Variants in CRPPA observed in about 807,000 individuals in gnomAD.
CRPPA encodes CDP-L-ribitol pyrophosphorylase A, also known as D-ribitol-5-phosphate cytidylyltransferase.
CRPPA carries 43 observed loss-of-function variants against 52.0 expected under a neutral mutation model. That is an observed-to-expected ratio of 0.83 (90% confidence interval 0.65 to 1.07). CRPPA has a LOEUF of 1.07. Among genes scored for constraint, CRPPA ranks in the 50% least tolerant of loss-of-function variants. The probability of loss-of-function intolerance (pLI) is 0.00; values close to 1 mark genes in which losing one functional copy is unlikely to be tolerated. For missense variants in CRPPA, 629 were observed against 551.7 expected (o/e 1.14, Z -1.40); for synonymous variants, 250 against 203.5 (o/e 1.23, Z -1.94).
At chr7:16,399,877 G>C (rs1430591344) in intron 2 of CRPPA, among the ~76,000 whole-genome samples, 1 of 151,916 alleles carries the variant, frequency 6.6e-6, no homozygotes. Flanking sequence ...ACTAACACGT[G>C]ACATTGACTC....
intron 8 of CRPPA, among the ~76,000 whole-genome samples, chr7:16,247,230 C>T (rs1170027168): frequency 6.6e-6 from 1 of 152,226 alleles, no homozygotes; most frequent in Non-Finnish European, 1.5e-5. Flanking sequence ...TCACTTTCTG[C>T]AGCCTTCACA....
chr7:16,402,483 T>C (rs1039863182), intron 2 of CRPPA, among the ~76,000 whole-genome samples: 12 of 152,044 alleles, frequency 7.9e-5, no homozygotes, highest in African/African-American at 2.9e-4. Flanking sequence ...AAACAAATTA[T>C]GAACAAAAGT....
chr7:16,314,210 GT>G (rs1345535157), intron 3 of CRPPA, among the ~76,000 whole-genome samples: 1 of 151,708 alleles, frequency 6.6e-6, no homozygotes, highest in African/African-American at 2.4e-5. Context: ...ATTAAGCACT[GT>G]TTTATATCCT....
chr7:16,256,560 A>G (rs1783646313), intron 8 of CRPPA, among the ~76,000 whole-genome samples: 1 of 152,198 alleles, frequency 6.6e-6, no homozygotes, highest in South Asian at 2.1e-4. Context: ...TGGCACATAC[A>G]CACCATGGAA....
chr7:16,380,803 G>A (rs887375662), intron 2 of CRPPA, among the ~76,000 whole-genome samples: 4 of 152,130 alleles, frequency 2.6e-5, no homozygotes, highest in Non-Finnish European at 4.4e-5. Flanking sequence ...ATTCTCTGAT[G>A]GTAGTTCGTA....
At chr7:16,336,656 AATATAAAT>A in intron 3 of CRPPA, among the ~76,000 whole-genome samples, 1 of 152,042 alleles carries the variant, frequency 6.6e-6, no homozygotes. Flanking sequence ...AATTAGCTTG[AATATAAAT>A]ACAGAAAGTT....
At chr7:16,235,382 A>C (rs1782922869) in intron 8 of CRPPA, among the ~76,000 whole-genome samples, 1 of 152,108 alleles carries the variant, frequency 6.6e-6, no homozygotes, top group Non-Finnish European at 1.5e-5. Flanking sequence ...GAAATGCCTA[A>C]CACATGCAGG....
intron 2 of CRPPA, among the ~76,000 whole-genome samples, chr7:16,387,381 T>C (rs1787315534): frequency 6.6e-6 from 1 of 151,936 alleles, no homozygotes; most frequent in Admixed American, 6.6e-5. Flanking sequence ...CTGTAGGTCC[T>C]AGAGCAACCA....
chr7:16,397,207 C>T lies in CRPPA; in HGVS notation c.534+8854G>A, dbSNP rs545240769. On this transcript the variant is annotated intron_variant, in intron 2 of 9. Coordinates refer to ENST00000407010, the MANE Select transcript of CRPPA (RefSeq NM_001101426.4). ...ATCAAAACGTGATGGACGTGTGACA[C>T]GACTGACACGTATGTGATACGAACA... 6.6e-5 allele frequency among the ~76,000 whole-genome samples: 10 copies of T among 152,352 alleles called. No individual in the cohort carries two copies. In the South Asian group the frequency reaches 1.7e-3, roughly 25 times the overall value.
At chr7:16,350,626 A>G (rs1245765359) in intron 3 of CRPPA, among the ~76,000 whole-genome samples, 1 of 152,138 alleles carries the variant, frequency 6.6e-6, no homozygotes, top group East Asian at 1.9e-4. Flanking sequence ...GATTTTTTAA[A>G]AAGTGATCCA....
chr7:16,390,882 G>C (rs1171179871), intron 2 of CRPPA, among the ~76,000 whole-genome samples: 2 of 152,162 alleles, frequency 1.3e-5, no homozygotes, highest in Admixed American at 6.5e-5. Flanking sequence ...CTCAGCTCCT[G>C]AAGTTAAACT....
At chr7:16,415,332 C>T (rs895486561) in intron 1 of CRPPA, among the ~76,000 whole-genome samples, 2 of 152,184 alleles carry the variant, frequency 1.3e-5, no homozygotes, top group Admixed American at 6.5e-5. Flanking sequence ...CAGAAAACTT[C>T]CTTGAGTCAT....
chr7:16,408,189 C>G (rs79090923), intron 1 of CRPPA, among the ~76,000 whole-genome samples: 5,801 of 151,042 alleles, frequency 0.038, 238 homozygotes, highest in African/African-American at 0.098. Flanking sequence ...AGACATGAAA[C>G]AAAAACACCG....
At chr7:16,398,553 G>C (rs907545718) in intron 2 of CRPPA, among the ~76,000 whole-genome samples, 1 of 152,192 alleles carries the variant, frequency 6.6e-6, no homozygotes, top group African/African-American at 2.4e-5. Flanking sequence ...TAAGTGACAC[G>C]TGATCGTCAA....
At chr7:16,368,115 G>A (rs1237515732) in intron 3 of CRPPA, among the ~76,000 whole-genome samples, 3 of 124,072 alleles carry the variant, frequency 2.4e-5, no homozygotes, top group Non-Finnish European at 3.4e-5. Context: ...AATTTTCACA[G>A]GAAATGAATT....
intron 2 of CRPPA, among the ~76,000 whole-genome samples, chr7:16,379,341 T>C (rs1787006768): frequency 6.6e-6 from 1 of 152,228 alleles, no homozygotes; most frequent in South Asian, 2.1e-4. Flanking sequence ...TCTGTTCCAT[T>C]GATCTATATC....
At chr7:16,338,345 T>C (rs1267455858) in intron 3 of CRPPA, among the ~76,000 whole-genome samples, 2 of 152,130 alleles carry the variant, frequency 1.3e-5, no homozygotes, top group African/African-American at 4.8e-5. Context: ...ACTTCCATGA[T>C]AAAAACTCAA....
At chr7:16,103,293 AG>A (rs1782086409) in intron 9 of CRPPA, among the ~76,000 whole-genome samples, 1 of 152,038 alleles carries the variant, frequency 6.6e-6, no homozygotes, top group African/African-American at 2.4e-5. Context: ...ATCACACATC[AG>A]GGCCTGTTGG....
chr7:16,364,040 T>A (rs1786524667), intron 3 of CRPPA, among the ~76,000 whole-genome samples: 2 of 152,188 alleles, frequency 1.3e-5, no homozygotes, highest in Non-Finnish European at 2.9e-5. Context: ...TATACTATCT[T>A]CACAAATAAG....
Sources: allele counts gnomAD v4.1 joint callset (sites outside exome capture counted in the v4.1 genomes callset), GRCh38; gene constraint gnomAD v4.1.1; transcripts MANE v1.5; gene names NCBI Gene and HGNC (gene_info 2026-07-23, HGNC 2026-07-21).